Variants in HRH1 observed in about 807,000 individuals in gnomAD.
HRH1 encodes histamine receptor H1, also known as histamine H1 receptor.
A neutral mutation model predicts 10.3 loss-of-function variants in HRH1; 6 were observed. The observed-to-expected ratio is 0.58, with a 90% CI of 0.32 to 1.15. The LOEUF is 1.15. Among genes scored for constraint, HRH1 ranks in the 50% most tolerant of loss-of-function variants. The pLI, the probability that HRH1 is intolerant of heterozygous loss-of-function variation, is 0.05. For missense variants in HRH1, 514 were observed against 615.3 expected (o/e 0.84, Z 1.74); for synonymous variants, 242 against 236.7 (o/e 1.02, Z -0.21).
intron 1 of HRH1, among the ~76,000 whole-genome samples, chr3:11,143,758 C>G (rs534188986): frequency 6.6e-6 from 1 of 152,180 alleles, no homozygotes; most frequent in Non-Finnish European, 1.5e-5. Context: ...GACTACCCAC[C>G]ATCCCCTGAG....
intron 1 of HRH1, among the ~76,000 whole-genome samples, chr3:11,162,326 T>C (rs1221348126): frequency 6.6e-6 from 1 of 151,902 alleles, no homozygotes; most frequent in Non-Finnish European, 1.5e-5. Flanking sequence ...ATATGATGAA[T>C]GGGCAAGAAG....
chr3:11,184,178 A>C (rs931042757), intron 1 of HRH1, among the ~76,000 whole-genome samples: 4 of 152,170 alleles, frequency 2.6e-5, no homozygotes, highest in African/African-American at 4.8e-5. Context: ...AAATCTTAAC[A>C]TAATGAGAGC....
intron 1 of HRH1, chr3:11,234,529 C>G: frequency 7.1e-7 from 1 of 1,410,584 alleles, no homozygotes; most frequent in South Asian, 1.2e-5. Context: ...ATGGACGGTT[C>G]CAGTTAATGT....
chr3:11,195,842 C>T (rs1380816523), intron 1 of HRH1, among the ~76,000 whole-genome samples: 5 of 152,230 alleles, frequency 3.3e-5, no homozygotes, highest in Non-Finnish European at 4.4e-5. Flanking sequence ...CCCAAACACG[C>T]TGTCTCTCTT....
rs201732588 is a variant in HRH1 at position 11,252,150 on chromosome 3, T to C, written c.-35-6853T>C. ...TCTGGCTCGTCTTGTGTGAGCTTTT[T>C]GTATGAGAGTTCTGTTTCTAGGGCA... On this transcript the variant is annotated intron_variant, in intron 1 of 1. Transcript: ENST00000431010. Among the ~76,000 whole-genome samples, 6 of 152,366 alleles carry C rather than the reference T, an allele frequency of 3.9e-5. No individual in the cohort carries two copies. In the East Asian group the frequency reaches 9.6e-4, roughly 24 times the overall value.
At chr3:11,238,373 A>G (rs1380355389) in intron 1 of HRH1, among the ~76,000 whole-genome samples, 1 of 152,232 alleles carries the variant, frequency 6.6e-6, no homozygotes, top group South Asian at 2.1e-4. Flanking sequence ...TGGCTAAAGC[A>G]GTTCTTCCGC....
At chr3:11,190,627 A>G (rs1298940461) in intron 1 of HRH1, among the ~76,000 whole-genome samples, 2 of 152,044 alleles carry the variant, frequency 1.3e-5, no homozygotes, top group African/African-American at 4.8e-5. Flanking sequence ...TCCTGAGCTC[A>G]GACAATCTGC....
chr3:11,162,969 A>G (rs1936954413), intron 1 of HRH1, among the ~76,000 whole-genome samples: 1 of 152,184 alleles, frequency 6.6e-6, no homozygotes, highest in African/African-American at 2.4e-5. Flanking sequence ...GTGGAGCTGA[A>G]GCTGCTGCTC....
At chr3:11,190,896 T>A (rs1937521328) in intron 1 of HRH1, among the ~76,000 whole-genome samples, 1 of 152,108 alleles carries the variant, frequency 6.6e-6, no homozygotes, top group Admixed American at 6.5e-5. Context: ...TGGTCCGCAT[T>A]TGGGCCTCAG....
At chr3:11,177,884 C>T (rs1937276812) in intron 1 of HRH1, among the ~76,000 whole-genome samples, 1 of 152,210 alleles carries the variant, frequency 6.6e-6, no homozygotes, top group African/African-American at 2.4e-5. Context: ...AGCAGATTCT[C>T]ACTTGGCACA....
At chr3:11,139,413 G>T (rs1007493021) in intron 1 of HRH1, among the ~76,000 whole-genome samples, 1 of 151,998 alleles carries the variant, frequency 6.6e-6, no homozygotes, top group Non-Finnish European at 1.5e-5. Flanking sequence ...CCGAGTAGCT[G>T]GGATTACAGG....
At chr3:11,170,588 A>T (rs1366978742) in intron 1 of HRH1, among the ~76,000 whole-genome samples, 1 of 152,234 alleles carries the variant, frequency 6.6e-6, no homozygotes, top group Non-Finnish European at 1.5e-5. Flanking sequence ...AGACCGAGGC[A>T]CGGAGAGGGG....
At chr3:11,151,115 C>T (rs1936607325), upstream of HRH1, among the ~76,000 whole-genome samples, 1 of 152,212 alleles carries the variant, frequency 6.6e-6, no homozygotes, top group South Asian at 2.1e-4. Flanking sequence ...GCTTAGCCAA[C>T]CAAAACAACT....
chr3:11,212,197 A>G (rs1044149832), intron 1 of HRH1, among the ~76,000 whole-genome samples: 10 of 152,212 alleles, frequency 6.6e-5, no homozygotes, highest in African/African-American at 2.4e-4. Context: ...AAGTTTGCAG[A>G]GTAGATTTTC....
At chr3:11,212,160 C>T (rs1938348884) in intron 1 of HRH1, among the ~76,000 whole-genome samples, 2 of 152,058 alleles carry the variant, frequency 1.3e-5, no homozygotes, top group Admixed American at 6.6e-5. Context: ...CATAGAATTG[C>T]GACAGGAATA....
intron 1 of HRH1, among the ~76,000 whole-genome samples, chr3:11,192,187 G>A (rs1456786452): frequency 6.6e-6 from 1 of 152,154 alleles, no homozygotes; most frequent in Non-Finnish European, 1.5e-5. Context: ...TGCACAGCTG[G>A]GTGAATTTTC....
At chr3:11,150,470 G>A (rs1392882029), upstream of HRH1, among the ~76,000 whole-genome samples, 1 of 152,264 alleles carries the variant, frequency 6.6e-6, no homozygotes. Flanking sequence ...TGCGATGGGT[G>A]GGGAGCTGGA....
chr3:11,218,960 G>A (rs1490404739), intron 1 of HRH1, among the ~76,000 whole-genome samples: 3 of 152,016 alleles, frequency 2.0e-5, no homozygotes, highest in African/African-American at 2.4e-5. Context: ...GCGTGATCTC[G>A]GCTCACTGCA....
At chr3:11,140,919 G>A (rs1936279481) in intron 1 of HRH1, among the ~76,000 whole-genome samples, 1 of 152,202 alleles carries the variant, frequency 6.6e-6, no homozygotes, top group Non-Finnish European at 1.5e-5. Flanking sequence ...TCTGTGCAGA[G>A]AAATACCACA....
Sources: allele counts gnomAD v4.1 joint callset (sites outside exome capture counted in the v4.1 genomes callset), GRCh38; gene constraint gnomAD v4.1.1; transcripts MANE v1.5; gene names NCBI Gene and HGNC (gene_info 2026-07-23, HGNC 2026-07-21).